The following ADAM22 variants were observed in gnomAD, a reference collection of about 807,000 sequenced individuals.
ADAM22 encodes ADAM metallopeptidase domain 22, also known as disintegrin and metalloproteinase domain-containing protein 22.
ADAM22 carries 65 observed loss-of-function variants against 144.6 expected under a neutral mutation model. That is an observed-to-expected ratio of 0.45 (90% CI 0.37 to 0.55). ADAM22 has a LOEUF of 0.55. Ranked by LOEUF, ADAM22 falls within the 20% of genes least tolerant of loss-of-function variation. The probability of loss-of-function intolerance (pLI) is 0.00; values close to 1 mark genes in which losing one functional copy is unlikely to be tolerated. For missense variants in ADAM22, 974 were observed against 1,184.9 expected, an observed-to-expected ratio of 0.82 and a Z score of 2.61; for synonymous variants, 391 against 412.6, an observed-to-expected ratio of 0.95 and a Z score of 0.63.
intron 22 of ADAM22, 87 bp downstream of exon 22, chr7:88,156,093 A>G: frequency 6.9e-7 from 1 of 1,444,432 alleles, no homozygotes; most frequent in Non-Finnish European, 9.6e-7. Flanking sequence ...CAATTAATGT[A>G]CATGTTAGTA....
intron 3 of ADAM22, among the ~76,000 whole-genome samples, chr7:88,050,598 T>G (rs1806038849): frequency 6.6e-6 from 1 of 152,170 alleles, no homozygotes. Flanking sequence ...ATTTGCATTC[T>G]CTGATGGCCA....
In ADAM22 at chr7:88,121,911, A is replaced by G. The variant is rs139113329; in HGVS notation, c.608-3678A>G. Among the ~76,000 whole-genome samples, 3 of 152,344 alleles carry G rather than the reference A, an allele frequency of 2.0e-5. No homozygotes were observed. In the East Asian group the frequency reaches 5.8e-4, roughly 29 times the overall value. ...TATTGCTGAGGAATTCATTTTTATT[A>G]TGTACAGAAAAATTAGAAAGTAGCT... On this transcript the variant is annotated intron_variant, in intron 7 of 31. Transcript: ENST00000413139.
At chr7:88,194,928 A>G (rs1395299303) in intron 31 of ADAM22, among the ~76,000 whole-genome samples, 1 of 152,162 alleles carries the variant, frequency 6.6e-6, no homozygotes, top group Admixed American at 6.5e-5. Flanking sequence ...GGGCATATAA[A>G]ATGACCTAAG....
chr7:88,153,318 C>A lies in ADAM22; in HGVS notation c.1779C>A (p.Cys593Ter). ...CGKDKDTWIQ[C>*]NKRDVLCGYL... is the part of the protein sequence containing the mutation. ...AAGACAAAGACACATGGATACAGTG[C>A]AACAAACGGTGAGGTGGAGACGTCA... Residue 593 changes from cysteine to a stop codon, truncating the protein, a stop_gained, in exon 21 of 32, where the codon TGC (cysteine) becomes TGA (stop). Transcript: ENST00000413139. LOFTEE classifies it high-confidence loss of function. 6.2e-7 allele frequency: 1 copy of A among 1,611,840 alleles called. No individual in the cohort carries two copies. The highest frequency in any genetic ancestry group is 8.5e-7 in the Non-Finnish European group (1 of 1,178,770).
At chr7:88,030,726 G>T (rs1800037863) in intron 3 of ADAM22, among the ~76,000 whole-genome samples, 1 of 152,086 alleles carries the variant, frequency 6.6e-6, no homozygotes, top group East Asian at 1.9e-4. Flanking sequence ...GTGAAAATGT[G>T]CTTGTTTCCC....
chr7:88,036,693 C>T (rs1207425453), intron 3 of ADAM22, among the ~76,000 whole-genome samples: 1 of 151,756 alleles, frequency 6.6e-6, no homozygotes, highest in Non-Finnish European at 1.5e-5. Context: ...TCCTTGCTGC[C>T]CAGTCTGTGA....
intron 11 of ADAM22, chr7:88,131,636 A>G (rs1038428182): frequency 1.8e-6 from 1 of 562,440 alleles, no homozygotes. Flanking sequence ...GAGTTATTTT[A>G]TTATTTAATG....
intron 3 of ADAM22, among the ~76,000 whole-genome samples, chr7:88,011,757 C>G (rs758609374): frequency 1.3e-5 from 2 of 149,188 alleles, no homozygotes; most frequent in Non-Finnish European, 3.0e-5. Context: ...CAACCTTTCT[C>G]TCTAGCTTCT....
intron 3 of ADAM22, among the ~76,000 whole-genome samples, chr7:88,039,617 G>GTGTGTGTGTGTCTGTGTGTC (rs1802595391): frequency 6.7e-6 from 1 of 149,880 alleles, no homozygotes; most frequent in Admixed American, 6.7e-5. Context: ...TTGCATGTGT[G>GTGTGTGTGTGTCTGTGTGTC]TGTGTGTGTG....
chr7:87,994,178 T>C (rs1010272535), intron 3 of ADAM22, among the ~76,000 whole-genome samples: 43 of 152,048 alleles, frequency 2.8e-4, no homozygotes, highest in South Asian at 2.1e-4. Context: ...TTTTTTTTTT[T>C]TGAGACGGAG....
At chr7:88,022,187 C>T (rs1489991409) in intron 3 of ADAM22, among the ~76,000 whole-genome samples, 1 of 152,000 alleles carries the variant, frequency 6.6e-6, no homozygotes, top group Non-Finnish European at 1.5e-5. Context: ...TGAACCACCA[C>T]TCTTGGCCTC....
rs184895796 is a variant in ADAM22 at position 88,080,038 on chromosome 7, A to G, written c.390+4346A>G. Among the ~76,000 whole-genome samples, 484 of 152,328 alleles carry G rather than the reference A, an allele frequency of 3.2e-3. 1 individual carries two copies. The highest frequency in any genetic ancestry group is 0.011 in the African/African-American group (460 of 41,582). On this transcript the variant is annotated intron_variant, in intron 4 of 31. Coordinates refer to ENST00000413139, the MANE Select transcript of ADAM22 (RefSeq NM_001324418.2). ...GAACTCTCCACCTCAAATCAACAGA[A>G]TATACATTCTTTTCAGCACCACAGC...
intron 15 of ADAM22, among the ~76,000 whole-genome samples, chr7:88,143,869 A>T (rs556071953): frequency 1.3e-5 from 2 of 152,252 alleles, no homozygotes; most frequent in African/African-American, 4.8e-5. Flanking sequence ...TGAATTGCGA[A>T]GCAAATTGAC....
intron 2 of ADAM22, among the ~76,000 whole-genome samples, chr7:87,935,973 G>A (rs1485846193): frequency 6.6e-6 from 1 of 152,080 alleles, no homozygotes; most frequent in Non-Finnish European, 1.5e-5. Flanking sequence ...CAGCTGATCA[G>A]GCAGTTCACC....
chr7:87,948,518 A>G (rs904644210), intron 2 of ADAM22, among the ~76,000 whole-genome samples: 1 of 152,018 alleles, frequency 6.6e-6, no homozygotes, highest in African/African-American at 2.4e-5. Context: ...CCTAGTTCTC[A>G]CTGCTCATAA....
At chr7:88,053,620 GAAAGAAAGAAAGAA>G (rs1207083425) in intron 3 of ADAM22, among the ~76,000 whole-genome samples, 283 of 115,282 alleles carry the variant, frequency 2.5e-3, no homozygotes, top group African/African-American at 3.5e-3. Context: ...AAGAAAGAAA[GAAAGAAAGAAAGAA>G]AGAAAGAAAG....
At chr7:88,003,362 G>A (rs1024137075) in intron 3 of ADAM22, among the ~76,000 whole-genome samples, 1 of 152,148 alleles carries the variant, frequency 6.6e-6, no homozygotes, top group East Asian at 1.9e-4. Flanking sequence ...CTTGCTCAGG[G>A]TTCTACAATT....
At chr7:87,940,318 A>G (rs1222631674) in intron 2 of ADAM22, among the ~76,000 whole-genome samples, 1 of 152,106 alleles carries the variant, frequency 6.6e-6, no homozygotes, top group Admixed American at 6.6e-5. Flanking sequence ...TTATATGTCA[A>G]TTTTTTAAAA....
At chr7:87,971,951 GAGGCCA>G (rs1850552100) in intron 2 of ADAM22, among the ~76,000 whole-genome samples, 1 of 152,188 alleles carries the variant, frequency 6.6e-6, no homozygotes, top group African/African-American at 2.4e-5. Flanking sequence ...AGCACTTTGG[GAGGCCA>G]AGGCGGGTGG....
Sources: allele counts gnomAD v4.1 joint callset (sites outside exome capture counted in the v4.1 genomes callset), GRCh38; gene constraint gnomAD v4.1.1; transcripts MANE v1.5; gene names NCBI Gene and HGNC (gene_info 2026-07-23, HGNC 2026-07-21).